The following HEBP1 variants were observed in gnomAD, a reference collection of about 807,000 sequenced individuals.
HEBP1 encodes heme-binding protein 1.
A neutral mutation model predicts 20.4 loss-of-function variants in HEBP1; 13 were observed. That is an observed-to-expected ratio of 0.64 (90% CI 0.42 to 1.01). The LOEUF (loss-of-function observed/expected upper bound fraction) is 1.01, where lower values mean the gene tolerates loss of function less well. Ranked by LOEUF, HEBP1 falls within the 50% of genes least tolerant of loss-of-function variation. The probability of loss-of-function intolerance (pLI) is 0.00; values close to 1 mark genes in which losing one functional copy is unlikely to be tolerated. For synonymous variants in HEBP1, 92 were observed against 90.7 expected (o/e 1.01, Z -0.08); for missense variants, 241 against 247.3 (o/e 0.97, Z 0.17).
Position 12,991,560 on chromosome 12 carries a change from TCTC to T in HEBP1, c.79-2148_79-2146del, listed in dbSNP as rs1864226507. Among the ~76,000 whole-genome samples the T allele has an allele frequency of 3.9e-5, 6 of 152,326 alleles. No homozygotes were observed. In the South Asian group the frequency reaches 1.2e-3, roughly 32 times the overall value. On this transcript the variant is annotated intron_variant, in intron 1 of 3. Transcript: ENST00000014930. Reference sequence around the variant, plus strand: ...ACCCCCACAGCTCTCCTTCAGTACATCTCCTGCTCCTTGCCACGTGATTGCTCA... The same window carrying T: ...ACCCCCACAGCTCTCCTTCAGTACATCTGCTCCTTGCCACGTGATTGCTCA...
Position 12,989,379 on chromosome 12 carries a change from CG to C in HEBP1, c.114del (p.Gly39AlafsTer6). 1.2e-6 allele frequency: 2 copies of C among 1,614,190 alleles called. No homozygotes were observed. Among genetic ancestry groups the C allele is most frequent in the Non-Finnish European group, 1.7e-6 (2 of 1,180,010 alleles). ...EVAYEERACE[G>X]GKFATVEVTD... ...GTCACTTCTACTGTGGCAAATTTGC[CG>C]CCTTCACAGGCCCTTTCTTCATAGG... On this transcript the variant is annotated frameshift_variant, in exon 2 of 4. Coordinates refer to ENST00000014930, the MANE Select transcript of HEBP1 (RefSeq NM_015987.5). LOFTEE classifies it high-confidence loss of function.
chr12:12,989,542 C>T (rs1381525970), intron 1 of HEBP1, 127 bp from the exon 2 acceptor site: 2 of 770,378 alleles, frequency 2.6e-6, no homozygotes, highest in Admixed American at 5.1e-5. Context: ...AGGGACAGGC[C>T]TGAGTATGAA....
chr12:12,990,115 TGCAC>T (rs1265355069), intron 1 of HEBP1, among the ~76,000 whole-genome samples: 1 of 72,886 alleles, frequency 1.4e-5, no homozygotes, highest in Non-Finnish European at 2.9e-5. Flanking sequence ...CTACTCTCTG[TGCAC>T]ACACACACAC....
chr12:12,988,712 T>C (rs1864182100), intron 2 of HEBP1, among the ~76,000 whole-genome samples: 1 of 152,226 alleles, frequency 6.6e-6, no homozygotes, highest in Non-Finnish European at 1.5e-5. Flanking sequence ...TTCATGAGAC[T>C]TCAGGCTTAT....
intron 2 of HEBP1, among the ~76,000 whole-genome samples, chr12:12,988,738 G>A (rs1864182351): frequency 6.6e-6 from 1 of 152,144 alleles, no homozygotes; most frequent in Admixed American, 6.5e-5. Flanking sequence ...TAAAAGTAGA[G>A]AGGTGGCCAG....
chr12:12,983,554 C>T (rs735688), intron 3 of HEBP1: 11,225 of 374,716 alleles, frequency 0.03, 830 homozygotes, highest in Admixed American at 0.18. Context: ...CTTCTACCAT[C>T]TCATTAACAT....
chr12:12,975,476 C>G lies in HEBP1; in HGVS notation c.402G>C (p.Gln134His). Residue 134 changes from glutamine to histidine, a missense_variant, in exon 4 of 4, where the codon CAG becomes CAC. Gln to His is a conservative substitution (Grantham distance 24). Coordinates refer to ENST00000014930, the MANE Select transcript of HEBP1 (RefSeq NM_015987.5). ...EREGITVYSM[Q>H]FGGYAKEADY... ...CTGCTTCCTTGGCATAACCACCAAA[C>G]TGCCTGGGGGTTCAAGAGCAAGGGC... is the stretch of plus-strand genomic sequence containing the variant. 7 of 1,606,616 alleles carry G rather than the reference C, an allele frequency of 4.4e-6. No individual in the cohort carries two copies. Among genetic ancestry groups the G allele is most frequent in the Non-Finnish European group, 5.9e-6 (7 of 1,177,202 alleles).
intron 3 of HEBP1, among the ~76,000 whole-genome samples, chr12:12,977,089 C>A (rs850949): frequency 6.6e-6 from 1 of 152,062 alleles, no homozygotes; most frequent in South Asian, 2.1e-4. Context: ...CAAAGGAGTG[C>A]TCCTCAAATG....
At position 12,987,280 on chromosome 12, in the gene HEBP1, T is replaced by C. The variant is rs977677451; in HGVS notation, c.270A>G (p.Glu90=). The C allele has an allele frequency of 1.2e-6, 2 of 1,614,152 alleles. No individual in the cohort carries two copies. The highest frequency in any genetic ancestry group is 1.7e-6 in the Non-Finnish European group (2 of 1,180,010). ...TTAATTTCTTCTGCAGAGAGCCATC[T>C]TCATTGGGGAACACAGCAAAGGAAA... ...VPISFAVFPN[E]DGSLQKKLKV... Residue 90 remains glutamate (E), a synonymous_variant, in exon 3 of 4, where the codon GAA becomes GAG. Transcript: ENST00000014930.
At chr12:12,980,800 T>C (rs1264583490) in intron 3 of HEBP1, among the ~76,000 whole-genome samples, 1 of 152,250 alleles carries the variant, frequency 6.6e-6, no homozygotes. Context: ...CTTTACTGCC[T>C]GGTCAAACAT....
intron 2 of HEBP1, among the ~76,000 whole-genome samples, chr12:12,987,643 T>TC (rs1490768304): frequency 2.0e-5 from 3 of 151,776 alleles, no homozygotes; most frequent in Non-Finnish European, 1.5e-5. Flanking sequence ...TCTTTCTTTC[T>TC]TTCTTCCGAC....
intron 3 of HEBP1, among the ~76,000 whole-genome samples, chr12:12,984,835 G>A (rs1230759548): frequency 6.6e-6 from 1 of 151,854 alleles, no homozygotes; most frequent in Admixed American, 6.6e-5. Context: ...ATCTGACTTG[G>A]ATCCAGATTC....
intron 1 of HEBP1, among the ~76,000 whole-genome samples, chr12:12,999,779 A>G (rs986683122): frequency 3.3e-5 from 5 of 152,228 alleles, no homozygotes; most frequent in Non-Finnish European, 5.9e-5. Context: ...CCAACTCCCC[A>G]AGTTGGGATT....
In HEBP1 at chr12:13,000,134, C is replaced by CGTGCGTCGG; in HGVS notation, c.-21_-20insCCGACGCAC. ...CAACATGTTGTAGCCGAGACGCTCC[C>CGTGCGTCGG]GACGCACGGGAGGACGTGAGGTGGC... On this transcript the variant is annotated 5_prime_UTR_variant, in exon 1 of 4. Coordinates refer to ENST00000014930, the MANE Select transcript of HEBP1 (RefSeq NM_015987.5). 6.3e-7 allele frequency: 1 copy of CGTGCGTCGG among 1,587,278 alleles called. No individual in the cohort carries two copies. The highest frequency in any genetic ancestry group is 8.6e-7 in the Non-Finnish European group (1 of 1,164,470).
At chr12:12,995,276 A>G (rs770096346) in intron 1 of HEBP1, among the ~76,000 whole-genome samples, 1 of 152,220 alleles carries the variant, frequency 6.6e-6, no homozygotes, top group Non-Finnish European at 1.5e-5. Flanking sequence ...AATTACAATT[A>G]AATGATGTGT....
intron 1 of HEBP1, among the ~76,000 whole-genome samples, chr12:12,991,251 G>A (rs1188664014): frequency 6.6e-6 from 1 of 152,298 alleles, no homozygotes. Context: ...TTGCTGTATT[G>A]CTATTATTAT....
chr12:12,978,210 T>G (rs996432675), intron 3 of HEBP1, among the ~76,000 whole-genome samples: 1 of 138,150 alleles, frequency 7.2e-6, no homozygotes, highest in African/African-American at 2.8e-5. Context: ...TTTTTTTTTT[T>G]TTTTTTTTTT....
At position 12,998,203 on chromosome 12, in the gene HEBP1, T is replaced by C. The variant is rs1266012474; in HGVS notation, c.78+1834A>G. On this transcript the variant is annotated intron_variant, in intron 1 of 3. Transcript: ENST00000014930. This position sits in a 1 kb window ranked among gnomAD's most constrained non-coding sequence, Gnocchi z 4.2. ...ATCCATGATACATTTTATTTGTTCATTAGCCAATAAAACATAAGTTCCATG... is the reference window on the plus strand; with the variant it reads ...ATCCATGATACATTTTATTTGTTCACTAGCCAATAAAACATAAGTTCCATG... 2.0e-5 allele frequency among the ~76,000 whole-genome samples: 3 copies of C among 152,180 alleles called. No homozygotes were observed. Among genetic ancestry groups the C allele is most frequent in the South Asian group, 4.1e-4 (2 of 4,830 alleles).
chr12:12,994,159 G>A (rs946221967), intron 1 of HEBP1, among the ~76,000 whole-genome samples: 1 of 152,230 alleles, frequency 6.6e-6, no homozygotes, highest in Non-Finnish European at 1.5e-5. Flanking sequence ...GATATTCCAG[G>A]TAGTGGGTAC....
Sources: allele counts gnomAD v4.1 joint callset (sites outside exome capture counted in the v4.1 genomes callset), GRCh38; gene constraint gnomAD v4.1.1; non-coding constraint Gnocchi (gnomAD v3.1); transcripts MANE v1.5; gene names NCBI Gene and HGNC (gene_info 2026-07-23, HGNC 2026-07-21).